The following GSG1L variants were observed in gnomAD, a reference collection of about 807,000 sequenced individuals.
GSG1L encodes the protein germ cell-specific gene 1-like protein.
Under a neutral mutation model 42.1 loss-of-function variants are expected in GSG1L, and 24 were observed. That is an observed-to-expected ratio of 0.57 (90% CI 0.41 to 0.80). The LOEUF is 0.80. GSG1L is among the 30% of genes least tolerant of loss of function. GSG1L has a pLI of 0.00. For missense variants in GSG1L, 445 were observed against 472.2 expected (o/e 0.94, Z 0.53); for synonymous variants, 215 against 203.5 (o/e 1.06, Z -0.48).
intron 1 of GSG1L, among the ~76,000 whole-genome samples, chr16:28,023,925 G>A (rs1288846314): frequency 2.0e-5 from 3 of 152,168 alleles, no homozygotes; most frequent in Non-Finnish European, 4.4e-5. Context: ...AGCTACTCAG[G>A]AGGCTGAGGT....
At chr16:27,793,187 A>G (rs966301338) in intron 6 of GSG1L, among the ~76,000 whole-genome samples, 6 of 152,282 alleles carry the variant, frequency 3.9e-5, no homozygotes, top group African/African-American at 1.4e-4. Context: ...AGCAGCTCTC[A>G]TTATCAGGAG....
chr16:27,961,954 A>G (rs1231607859), intron 2 of GSG1L, among the ~76,000 whole-genome samples: 5 of 152,192 alleles, frequency 3.3e-5, no homozygotes, highest in African/African-American at 1.2e-4. Flanking sequence ...TCTGCAAAAC[A>G]GAATGTCACC....
intron 5 of GSG1L, among the ~76,000 whole-genome samples, chr16:27,822,915 A>G (rs1239598442): frequency 2.0e-5 from 3 of 151,688 alleles, no homozygotes; most frequent in African/African-American, 7.3e-5. Flanking sequence ...CAGGGGTCCC[A>G]GGAAGGAAGA....
intron 3 of GSG1L, among the ~76,000 whole-genome samples, chr16:27,849,832 A>C (rs1205063856): frequency 6.7e-6 from 1 of 150,138 alleles, no homozygotes; most frequent in East Asian, 2.0e-4. Context: ...AGCCTGGGGC[A>C]AGTTTTGAGG....
rs145638116 is a variant in GSG1L, at chr16:28,062,981, G to A, written c.349+95C>T. 5,466 of 1,210,816 alleles carry A rather than the reference G, an allele frequency of 4.5e-3. 216 individuals carry two copies. In the African/African-American group the frequency reaches 0.08, roughly 18 times the overall value. 75.0% of individuals were successfully genotyped at this position (1,210,816 alleles called of 1,614,324 possible). Reference sequence around the variant, plus strand: ...GCGCTGGGAGCTGGGCCCAGGCGGCGGGAGGAGGGCGAACGGGTCCGGGGC... The same window carrying A: ...GCGCTGGGAGCTGGGCCCAGGCGGCAGGAGGAGGGCGAACGGGTCCGGGGC... On this transcript the variant is annotated intron_variant, in intron 1 of 6. Transcript: ENST00000447459.
intron 1 of GSG1L, among the ~76,000 whole-genome samples, chr16:27,973,437 C>CCCAAAAA (rs2085215078): frequency 3.6e-5 from 1 of 27,398 alleles, no homozygotes; most frequent in Non-Finnish European, 6.5e-5. Context: ...AAGACCCCAT[C>CCCAAAAA]ACAAAAAAAA....
At chr16:27,992,686 T>C (rs567773450) in intron 1 of GSG1L, among the ~76,000 whole-genome samples, 206 of 152,336 alleles carry the variant, frequency 1.4e-3, no homozygotes, top group Admixed American at 3.7e-3. Flanking sequence ...GATCTGCTCA[T>C]TGCAGAACAC....
intron 1 of GSG1L, among the ~76,000 whole-genome samples, chr16:28,036,583 C>T (rs558118767): frequency 1.3e-5 from 2 of 152,306 alleles, no homozygotes; most frequent in South Asian, 2.1e-4. Context: ...CTCTGTCCCC[C>T]CCTTCACCAG....
chr16:28,063,354 G>A lies in GSG1L; in HGVS notation c.71C>T (p.Thr24Ile). Residue 24 changes from threonine to isoleucine, a missense_variant, in exon 1 of 7, where the codon ACC becomes ATC. Physicochemically the swap from Thr to Ile is moderately conservative, Grantham distance 89 (BLOSUM62 -1). This residue lies in a region of GSG1L where 156 missense variants were observed against 128.3 expected (regional missense o/e 1.22). Coordinates refer to ENST00000447459, the MANE Select transcript of GSG1L (RefSeq NM_001109763.2). This position sits in a 1 kb window ranked among gnomAD's most constrained non-coding sequence, Gnocchi z 5.8. ...CCAGTGCGTGGTGAGGAAAGCGGTG[G>A]TGGCGAACAGCAGCGCCAGCAGGTT... ...ALNLLALLFA[T>I]TAFLTTHWCQ... 1 of 1,406,332 alleles carries A rather than the reference G, an allele frequency of 7.1e-7. No individual in the cohort carries two copies. The highest frequency in any genetic ancestry group is 9.3e-7 in the Non-Finnish European group (1 of 1,073,316). The allele number at this position is 1,406,332 out of a possible 1,614,324, so 87.1% of individuals were successfully genotyped here.
intron 2 of GSG1L, among the ~76,000 whole-genome samples, chr16:27,892,203 C>A (rs935928380): frequency 6.6e-6 from 1 of 152,060 alleles, no homozygotes; most frequent in African/African-American, 2.4e-5. Context: ...GCCTCTAATC[C>A]CAGCGCTTTG....
chr16:27,819,474 C>T (rs948397839), intron 5 of GSG1L, among the ~76,000 whole-genome samples: 1 of 152,168 alleles, frequency 6.6e-6, no homozygotes, highest in African/African-American at 2.4e-5. Context: ...GGACTTGTCT[C>T]AGAAGTCCCT....
chr16:27,903,120 G>C (rs770943168), intron 2 of GSG1L, among the ~76,000 whole-genome samples: 1 of 152,136 alleles, frequency 6.6e-6, no homozygotes, highest in Non-Finnish European at 1.5e-5. Context: ...TGAAGGACAA[G>C]GGGGAGTCCA....
At chr16:27,870,223 CTCTCTGTCTCTCTCCATCTCTCTCTG>C (rs1162396470) in intron 3 of GSG1L, among the ~76,000 whole-genome samples, 4 of 146,492 alleles carry the variant, frequency 2.7e-5, no homozygotes, top group African/African-American at 7.8e-5. Context: ...CTCTTTCCAT[CTCTCTGTCTCTCTCCATCTCTCTCTG>C]TCTCTGTCTC....
chr16:27,801,708 A>G (rs747360245), intron 6 of GSG1L, among the ~76,000 whole-genome samples: 13 of 152,020 alleles, frequency 8.6e-5, no homozygotes, highest in Non-Finnish European at 1.3e-4. Flanking sequence ...TGCCCAACCA[A>G]TGGAGCTGCT....
intron 3 of GSG1L, among the ~76,000 whole-genome samples, chr16:27,876,507 A>T (rs2083888829): frequency 6.6e-6 from 1 of 152,214 alleles, no homozygotes; most frequent in African/African-American, 2.4e-5. Context: ...ATTCACTCCT[A>T]AAAGGCAGCA....
At chr16:27,870,495 C>G (rs542872601) in intron 3 of GSG1L, among the ~76,000 whole-genome samples, 1 of 151,424 alleles carries the variant, frequency 6.6e-6, no homozygotes, top group East Asian at 1.9e-4. Flanking sequence ...CTCCCTCTGT[C>G]CCAGGGGCCT....
At chr16:27,820,461 G>A (rs1016913922) in intron 5 of GSG1L, among the ~76,000 whole-genome samples, 2 of 152,080 alleles carry the variant, frequency 1.3e-5, no homozygotes, top group African/African-American at 4.8e-5. Context: ...GATTGGAGGG[G>A]GCTGGACGGT....
At chr16:27,874,377 C>T (rs148950916) in intron 3 of GSG1L, among the ~76,000 whole-genome samples, 8 of 148,526 alleles carry the variant, frequency 5.4e-5, no homozygotes, top group Non-Finnish European at 8.9e-5. Context: ...GCCAATGATT[C>T]CATCAATCGT....
intron 1 of GSG1L, among the ~76,000 whole-genome samples, chr16:28,051,367 C>A (rs1451989851): frequency 1.3e-5 from 2 of 152,116 alleles, no homozygotes; most frequent in Admixed American, 6.5e-5. Flanking sequence ...AGGGTCTCTC[C>A]CTGCAGAGAC....
Sources: allele counts gnomAD v4.1 joint callset (sites outside exome capture counted in the v4.1 genomes callset), GRCh38; gene constraint gnomAD v4.1.1; regional missense constraint gnomAD v4.1.1; non-coding constraint Gnocchi (gnomAD v3.1); transcripts MANE v1.5; gene names NCBI Gene and HGNC (gene_info 2026-07-23, HGNC 2026-07-21).